The following SPATS2 variants were observed in gnomAD, a reference collection of about 807,000 sequenced individuals.
The protein encoded by SPATS2 is spermatogenesis associated serine rich 2, also known as spermatogenesis-associated serine-rich protein 2.
A neutral mutation model predicts 63.7 loss-of-function variants in SPATS2; 38 were observed. That is an observed-to-expected ratio of 0.60 (90% CI 0.46 to 0.78). The LOEUF (loss-of-function observed/expected upper bound fraction) is 0.78, where lower values mean the gene tolerates loss of function less well. SPATS2 is among the 30% of genes least tolerant of loss of function. SPATS2 has a pLI of 0.00. For missense variants in SPATS2, 588 were observed against 666.2 expected (o/e 0.88, Z 1.29); for synonymous variants, 207 against 232.9 (o/e 0.89, Z 1.01).
At chr12:49,381,419 C>T (rs867121240) in intron 2 of SPATS2, among the ~76,000 whole-genome samples, 17 of 152,118 alleles carry the variant, frequency 1.1e-4, no homozygotes, top group South Asian at 6.2e-4. Context: ...TGTAACAAAA[C>T]CTGTATTTAA....
Position 49,525,947 on chromosome 12 carries a change from T to C in SPATS2, c.1330T>C (p.Leu444=). 1 of 1,612,712 alleles carries C rather than the reference T, an allele frequency of 6.2e-7. No individual in the cohort carries two copies. Among genetic ancestry groups the C allele is most frequent in the African/African-American group, 1.3e-5 (1 of 74,968 alleles). Residue 444 remains leucine, a synonymous_variant, in exon 14 of 14, where the codon TTG becomes CTG. Transcript: ENST00000552918. The part of the protein sequence containing the change: ...GQPYQPLREV[L]PGNRRGGQGY... Reference sequence around the variant, plus strand: ...CATTGTATTCTTTCATCTTTAGGTATTGCCAGGGAACAGACGAGGAGGACA... The same window carrying C: ...CATTGTATTCTTTCATCTTTAGGTACTGCCAGGGAACAGACGAGGAGGACA...
intron 4 of SPATS2, among the ~76,000 whole-genome samples, chr12:49,488,311 G>A (rs1272112794): frequency 1.3e-5 from 2 of 151,934 alleles, no homozygotes; most frequent in African/African-American, 4.8e-5. Context: ...CTAAAGTGCT[G>A]GGATTACAGG....
intron 2 of SPATS2, among the ~76,000 whole-genome samples, chr12:49,379,801 T>G (rs1268588637): frequency 6.6e-6 from 1 of 151,798 alleles, no homozygotes; most frequent in Admixed American, 6.6e-5. Context: ...TTTTGTATTT[T>G]TAGTAGAGAT....
intron 2 of SPATS2, among the ~76,000 whole-genome samples, chr12:49,436,865 C>T (rs537833877): frequency 7.3e-6 from 1 of 137,820 alleles, no homozygotes; most frequent in Non-Finnish European, 1.6e-5. Context: ...GGGGGGCTGA[C>T]CCCCCCACCT....
chr12:49,509,359 C>A (rs183667552), intron 9 of SPATS2, among the ~76,000 whole-genome samples: 1 of 142,340 alleles, frequency 7.0e-6, no homozygotes, highest in African/African-American at 2.7e-5. Context: ...CGGCTCACTG[C>A]AACCCCTGCC....
At chr12:49,389,474 C>G in intron 2 of SPATS2, 2 of 761,594 alleles carry the variant, frequency 2.6e-6, no homozygotes, top group Non-Finnish European at 4.7e-6. Flanking sequence ...ATCGCCACAG[C>G]TGACGGCTGC....
At chr12:49,466,378 ATCTTAAAC>A (rs1945916434) in intron 3 of SPATS2, among the ~76,000 whole-genome samples, 1 of 152,048 alleles carries the variant, frequency 6.6e-6, no homozygotes, top group African/African-American at 2.4e-5. Context: ...GGCCAGGCTG[ATCTTAAAC>A]TCCTGACCTC....
chr12:49,434,440 ACTC>A (rs1945238591), intron 2 of SPATS2, among the ~76,000 whole-genome samples: 2 of 151,930 alleles, frequency 1.3e-5, no homozygotes, highest in Non-Finnish European at 1.5e-5. Flanking sequence ...TTAAACAATA[ACTC>A]CTCCTCCCCG....
Position 49,494,716 on chromosome 12 carries a change from T to C in SPATS2, c.265-25T>C, listed in dbSNP as rs531208159. ...GGAATCTTTTCTTTCTTTTCTTTTC[T>C]TTTTCAAATTTTTAATAACTTTAGA... On this transcript the variant is annotated intron_variant, in intron 6 of 13. Coordinates refer to ENST00000552918, the MANE Select transcript of SPATS2 (RefSeq NM_023071.4). 53 of 1,485,858 alleles carry C rather than the reference T, an allele frequency of 3.6e-5. 1 individual carries two copies. In the Middle Eastern group the frequency reaches 1.1e-3, roughly 30 times the overall value. The allele number at this position is 1,485,858 out of a possible 1,614,324, so 92.0% of individuals were successfully genotyped here.
In SPATS2 at chr12:49,459,025, T is replaced by C. The variant is rs369924872; in HGVS notation, c.-243-1745T>C. 2.6e-4 allele frequency among the ~76,000 whole-genome samples: 39 copies of C among 152,262 alleles called. No individual in the cohort carries two copies. The South Asian group carries it at 8.1e-3, about 32-fold the overall frequency. ...AGTACTGGCAGCTGGCCTGCAAATGTAGCAAACTGCACAGCTCATGCACCT... is the reference window on the plus strand; with the variant it reads ...AGTACTGGCAGCTGGCCTGCAAATGCAGCAAACTGCACAGCTCATGCACCT... On this transcript the variant is annotated intron_variant, in intron 2 of 13. Coordinates refer to ENST00000552918, the MANE Select transcript of SPATS2 (RefSeq NM_023071.4).
At chr12:49,473,181 G>A (rs189477990) in intron 3 of SPATS2, among the ~76,000 whole-genome samples, 79 of 152,190 alleles carry the variant, frequency 5.2e-4, no homozygotes, top group African/African-American at 1.7e-3. Flanking sequence ...TTGGGAGGCC[G>A]AGACAGGCAA....
At position 49,487,589 on chromosome 12, in the gene SPATS2, A is replaced by G. The variant is rs143496351; in HGVS notation, c.106-1876A>G. On this transcript the variant is annotated intron_variant, in intron 4 of 13. Coordinates refer to ENST00000552918, the MANE Select transcript of SPATS2 (RefSeq NM_023071.4). ...AAGCTTACATAAGATCTCAGTTCCA[A>G]TCTTTTTGTTTGGGTTTTTTGGTTT... 3.1e-3 allele frequency among the ~76,000 whole-genome samples: 471 copies of G among 152,196 alleles called. 1 individual carries two copies. Among genetic ancestry groups the G allele is most frequent in the Middle Eastern group, 0.01 (3 of 294 alleles).
chr12:49,397,516 T>C (rs1389111208), intron 2 of SPATS2, among the ~76,000 whole-genome samples: 1 of 152,120 alleles, frequency 6.6e-6, no homozygotes, highest in Non-Finnish European at 1.5e-5. Flanking sequence ...ATCTGGCATA[T>C]TATAAGTGCT....
chr12:49,421,866 G>T (rs557344420), intron 2 of SPATS2, among the ~76,000 whole-genome samples: 3 of 152,176 alleles, frequency 2.0e-5, no homozygotes, highest in Non-Finnish European at 4.4e-5. Flanking sequence ...AGTCCTGTAA[G>T]CTATCCAGTG....
chr12:49,476,714 C>CTGTTGCACTAAGAAGGTTT (rs1946124602), intron 3 of SPATS2, among the ~76,000 whole-genome samples: 1 of 152,194 alleles, frequency 6.6e-6, no homozygotes, highest in Non-Finnish European at 1.5e-5. Flanking sequence ...GGAACTTTTC[C>CTGTTGCACTAAGAAGGTTT]TGTTGCACTA....
At chr12:49,461,382 G>A (rs956806757) in intron 3 of SPATS2, among the ~76,000 whole-genome samples, 1 of 152,204 alleles carries the variant, frequency 6.6e-6, no homozygotes, top group Admixed American at 6.5e-5. Context: ...AGTGGAGCAA[G>A]AGTAAATGTT....
At chr12:49,477,985 T>TTA (rs1491160211) in intron 3 of SPATS2, among the ~76,000 whole-genome samples, 30 of 141,720 alleles carry the variant, frequency 2.1e-4, no homozygotes, top group African/African-American at 6.9e-4. Flanking sequence ...TTTTTTTTTT[T>TTA]AATTTTTGAG....
chr12:49,475,413 G>A (rs746581106), intron 3 of SPATS2, among the ~76,000 whole-genome samples: 1 of 151,796 alleles, frequency 6.6e-6, no homozygotes, highest in Non-Finnish European at 1.5e-5. Context: ...CTTTACTGGT[G>A]TACTGGTAGA....
chr12:49,407,966 T>A (rs976586766), intron 2 of SPATS2, among the ~76,000 whole-genome samples: 1 of 152,250 alleles, frequency 6.6e-6, no homozygotes, highest in East Asian at 1.9e-4. Flanking sequence ...TGACAGAGTT[T>A]GTGGACTCCT....
Sources: allele counts gnomAD v4.1 joint callset (sites outside exome capture counted in the v4.1 genomes callset), GRCh38; gene constraint gnomAD v4.1.1; transcripts MANE v1.5; gene names NCBI Gene and HGNC (gene_info 2026-07-23, HGNC 2026-07-21).